The following DLGAP5 variants were observed in gnomAD, a reference collection of about 807,000 sequenced individuals.
The protein encoded by DLGAP5 is DLG associated protein 5.
Under a neutral mutation model 99.6 loss-of-function variants are expected in DLGAP5, and 90 were observed. The observed-to-expected ratio is 0.90, with a 90% confidence interval of 0.76 to 1.08. The LOEUF is 1.08. Among genes scored for constraint, DLGAP5 ranks in the 50% least tolerant of loss-of-function variants. The probability of loss-of-function intolerance (pLI) is 0.00; values close to 1 mark genes in which losing one functional copy is unlikely to be tolerated. For synonymous variants in DLGAP5, 311 were observed against 321.3 expected (o/e 0.97, Z 0.34); for missense variants, 1,036 against 983.5 (o/e 1.05, Z -0.71).
intron 14 of DLGAP5, among the ~76,000 whole-genome samples, chr14:55,155,045 CAG>C (rs1468665575): frequency 6.6e-6 from 1 of 152,102 alleles, no homozygotes; most frequent in Non-Finnish European, 1.5e-5. Flanking sequence ...GTTGTTGAGA[CAG>C]AGTCTTACAC....
At chr14:55,177,382 G>T in intron 7 of DLGAP5, 46 bp from the exon 8 acceptor site, 3 of 1,510,662 alleles carry the variant, frequency 2.0e-6, no homozygotes, top group Non-Finnish European at 2.6e-6. Flanking sequence ...TCTCTTCTGA[G>T]GATATATTCA....
rs993678126 is a variant in DLGAP5 at position 55,148,272 on chromosome 14, T to A, written c.*79A>T. On this transcript the variant is annotated 3_prime_UTR_variant, in exon 19 of 19. Transcript: ENST00000247191. The stretch of plus-strand genomic sequence containing the variant: ...GCTATAGAAGTGAACACAAATACAT[T>A]TTCTCCAAAATTTCAATAGTCTAAG... The A allele has an allele frequency of 4.7e-5, 68 of 1,435,270 alleles. No homozygotes were observed. The highest frequency in any genetic ancestry group is 4.8e-5 in the Non-Finnish European group (50 of 1,044,836). The allele number at this position is 1,435,270 out of a possible 1,614,324, so 88.9% of individuals were successfully genotyped here.
At chr14:55,172,068 G>T (rs932490085) in intron 10 of DLGAP5, among the ~76,000 whole-genome samples, 2 of 151,924 alleles carry the variant, frequency 1.3e-5, no homozygotes, top group African/African-American at 4.8e-5. Flanking sequence ...TCACCAAGTT[G>T]GCCAGGCTAC....
chr14:55,174,787 T>G (rs1032451623), intron 10 of DLGAP5, among the ~76,000 whole-genome samples: 21 of 152,064 alleles, frequency 1.4e-4, no homozygotes, highest in Non-Finnish European at 1.5e-5. Flanking sequence ...GCCTCCCAGG[T>G]TCAAGCAATT....
chr14:55,163,410 T>C (rs530957088), intron 12 of DLGAP5, among the ~76,000 whole-genome samples: 1 of 152,216 alleles, frequency 6.6e-6, no homozygotes, highest in Non-Finnish European at 1.5e-5. Context: ...ATTTTTTTTT[T>C]ATTTATCCAT....
chr14:55,174,929 T>TCCACCC (rs1883004406), intron 10 of DLGAP5, among the ~76,000 whole-genome samples: 1 of 152,198 alleles, frequency 6.6e-6, no homozygotes, highest in Admixed American at 6.5e-5. Context: ...GACCTTGTGA[T>TCCACCC]CCACCCACCT....
chr14:55,165,693 C>T (rs572585731), intron 12 of DLGAP5, among the ~76,000 whole-genome samples: 13 of 152,088 alleles, frequency 8.5e-5, no homozygotes, highest in Admixed American at 7.9e-4. Context: ...TTTTCCTATT[C>T]ATACATACCT....
At chr14:55,161,831 G>A (rs1444528308) in intron 13 of DLGAP5, among the ~76,000 whole-genome samples, 1 of 118,716 alleles carries the variant, frequency 8.4e-6, no homozygotes, top group Non-Finnish European at 1.6e-5. Flanking sequence ...CCAAGGTCAC[G>A]CCACTGCACT....
Position 55,152,711 on chromosome 14 carries a change from G to A in DLGAP5, c.2064-64C>T, listed in dbSNP as rs145438055. 3.2e-4 allele frequency: 441 copies of A among 1,382,010 alleles called. No individual in the cohort carries two copies. The East Asian group carries it at 5.0e-3, about 16-fold the overall frequency. The allele number at this position is 1,382,010 out of a possible 1,614,324, so 85.6% of individuals were successfully genotyped here. A position where few individuals can be genotyped will look rare whatever the true frequency, so the allele number is the denominator to read the frequency against. On this transcript the variant is annotated intron_variant, in intron 15 of 18. Transcript: ENST00000247191. ...ATTGTTATTGTTTCACTTGTATTTT[G>A]AGTCTTTCCTTTAATGATGGCAATT...
rs755449807 is a variant in DLGAP5, at chr14:55,175,339, G to A, written c.1301+7C>T. The A allele has an allele frequency of 1.7e-5, 28 of 1,606,010 alleles. No homozygotes were observed. Among genetic ancestry groups the A allele is most frequent in the South Asian group, 4.5e-5 (4 of 88,776 alleles). On this transcript the variant is annotated splice_region_variant and intron_variant, in intron 10 of 18. Transcript: ENST00000247191. ...AAAATTCTTACACTAGAAACACACA[G>A]ACATACCTGAAATATGGCACACCAT...
chr14:55,154,794 G>A lies in DLGAP5; in HGVS notation c.1886C>T (p.Ser629Phe). The change falls in exon 15 of 19, where the codon TCT (serine) becomes TTT (phenylalanine). Residue 629 changes from serine to phenylalanine, a missense_variant. Coordinates refer to ENST00000247191, the MANE Select transcript of DLGAP5 (RefSeq NM_014750.5). ...PVKLFSGLSVSSEGPSQRLGT... is the reference protein window; with the variant it reads ...PVKLFSGLSVFSEGPSQRLGT... The stretch of plus-strand genomic sequence containing the variant: ...AAGTCTTTGAGAAGGGCCTTCAGAA[G>A]AGACAGAAAGTCCTAGAAGATGAGA... 6.2e-7 allele frequency: 1 copy of A among 1,613,842 alleles called. No individual in the cohort carries two copies. Among genetic ancestry groups the A allele is most frequent in the Non-Finnish European group, 8.5e-7 (1 of 1,179,948 alleles).
At chr14:55,157,750 C>T (rs563311674) in intron 14 of DLGAP5, among the ~76,000 whole-genome samples, 1 of 152,284 alleles carries the variant, frequency 6.6e-6, no homozygotes, top group South Asian at 2.1e-4. Context: ...AAAACCAAAT[C>T]CACTTTGCAT....
chr14:55,157,604 ACT>A (rs903768015), intron 14 of DLGAP5, among the ~76,000 whole-genome samples: 1 of 152,192 alleles, frequency 6.6e-6, no homozygotes, highest in African/African-American at 2.4e-5. Context: ...TATGACAAAC[ACT>A]GTGAGAAAAT....
At chr14:55,158,847 G>A (rs906390391) in intron 13 of DLGAP5, 106 bp from the exon 14 acceptor site, 49 of 745,200 alleles carry the variant, frequency 6.6e-5, no homozygotes, top group Admixed American at 8.9e-5. Context: ...TAAAAATAAA[G>A]TATACATAAA....
chr14:55,170,711 G>A lies in DLGAP5; in HGVS notation c.1378C>T (p.Pro460Ser), dbSNP rs1594674135. 3 of 1,612,554 alleles carry A rather than the reference G, an allele frequency of 1.9e-6. No homozygotes were observed. Among genetic ancestry groups the A allele is most frequent in the Non-Finnish European group, 2.5e-6 (3 of 1,178,924 alleles). Residue 460 changes from proline to serine, a missense_variant, in exon 11 of 19, where the codon CCA becomes TCA. Physicochemically the swap from Pro to Ser is moderately conservative, Grantham distance 74 (BLOSUM62 -1). Coordinates refer to ENST00000247191, the MANE Select transcript of DLGAP5 (RefSeq NM_014750.5). ...ACAAATGTTGCCTCACCATCATCTGGAATGTCCAATTCAAGTTTCCTGTCC... is the reference window on the plus strand; with the variant it reads ...ACAAATGTTGCCTCACCATCATCTGAAATGTCCAATTCAAGTTTCCTGTCC... ...EWDRKLELDI[P>S]DDAKDLIRTA...
At chr14:55,185,638 T>C (rs971920074) in intron 2 of DLGAP5, among the ~76,000 whole-genome samples, 1 of 152,176 alleles carries the variant, frequency 6.6e-6, no homozygotes, top group Non-Finnish European at 1.5e-5. Flanking sequence ...CATGCGCCAC[T>C]GCGCCTGGCT....
chr14:55,148,593 C>T (rs1293160856), intron 18 of DLGAP5, 120 bp from the exon 19 acceptor site: 8 of 1,552,782 alleles, frequency 5.2e-6, no homozygotes, highest in Non-Finnish European at 6.9e-6. Flanking sequence ...GTGGTGCACA[C>T]CTGTAGTCCC....
intron 14 of DLGAP5, among the ~76,000 whole-genome samples, chr14:55,155,055 C>T (rs1882160066): frequency 6.6e-6 from 1 of 152,162 alleles, no homozygotes; most frequent in African/African-American, 2.4e-5. Context: ...CAGAGTCTTA[C>T]ACTGTCACCC....
At chr14:55,154,484 C>A in intron 15 of DLGAP5, 133 bp downstream of exon 15, 5 of 710,186 alleles carry the variant, frequency 7.0e-6, no homozygotes, top group Non-Finnish European at 1.2e-5. Context: ...AAAGGGAGTA[C>A]TGCCTATATG....
Sources: allele counts gnomAD v4.1 joint callset (sites outside exome capture counted in the v4.1 genomes callset), GRCh38; gene constraint gnomAD v4.1.1; transcripts MANE v1.5; gene names NCBI Gene and HGNC (gene_info 2026-07-23, HGNC 2026-07-21).